Variants in ANGPT1 observed in about 807,000 individuals in gnomAD.
ANGPT1 encodes the protein angiopoietin-1.
In ANGPT1, 17 loss-of-function variants were observed where a neutral mutation model predicts 62.2. The ratio of observed to expected loss-of-function variants is 0.27; its 90% confidence interval spans 0.19 to 0.41. ANGPT1 has a LOEUF of 0.41. ANGPT1 is among the 10% of genes least tolerant of loss of function. The pLI is 1.00. For missense variants in ANGPT1, 478 were observed against 594.9 expected (o/e 0.80, Z 2.04); for synonymous variants, 199 against 198.9 (o/e 1.00, Z 0.00).
chr8:107,325,794 G>T (rs572719429), intron 3 of ANGPT1, among the ~76,000 whole-genome samples: 40 of 151,834 alleles, frequency 2.6e-4, no homozygotes, highest in African/African-American at 7.0e-4. Flanking sequence ...GTTTATTTTT[G>T]ATGTATTCCT....
chr8:107,278,903 T>G (rs912946344), intron 7 of ANGPT1, among the ~76,000 whole-genome samples: 2 of 152,186 alleles, frequency 1.3e-5, no homozygotes, highest in Non-Finnish European at 2.9e-5. Flanking sequence ...TTGTCTGCCA[T>G]GCCAAATTTC....
At chr8:107,282,436 GTA>G (rs538316725) in intron 7 of ANGPT1, among the ~76,000 whole-genome samples, 1,702 of 25,550 alleles carry the variant, frequency 0.067, 40 homozygotes, top group African/African-American at 0.25. Context: ...ATATATGTGT[GTA>G]TGTGTGTGTG....
intron 1 of ANGPT1, among the ~76,000 whole-genome samples, chr8:107,454,344 A>G (rs1404036938): frequency 6.6e-6 from 1 of 152,046 alleles, no homozygotes; most frequent in Non-Finnish European, 1.5e-5. Context: ...CAATTTCAAG[A>G]CATGCTGCTA....
chr8:107,390,828 A>G (rs892534689), intron 1 of ANGPT1, among the ~76,000 whole-genome samples: 5 of 152,170 alleles, frequency 3.3e-5, no homozygotes, highest in African/African-American at 4.8e-5. Flanking sequence ...CTTGCTCAAG[A>G]TCACAGATCT....
intron 5 of ANGPT1, among the ~76,000 whole-genome samples, chr8:107,300,089 C>CTA (rs1814548814): frequency 1.5e-5 from 2 of 135,940 alleles, no homozygotes; most frequent in Non-Finnish European, 3.2e-5. Flanking sequence ...CTATAGAGAT[C>CTA]TATATATATC....
At chr8:107,311,167 G>A (rs1455788325) in intron 4 of ANGPT1, among the ~76,000 whole-genome samples, 3 of 150,716 alleles carry the variant, frequency 2.0e-5, no homozygotes, top group African/African-American at 7.5e-5. Flanking sequence ...AAGTACGTGT[G>A]TATGTGTGTG....
intron 3 of ANGPT1, among the ~76,000 whole-genome samples, chr8:107,330,393 T>A (rs923167732): frequency 6.6e-6 from 1 of 152,194 alleles, no homozygotes; most frequent in Non-Finnish European, 1.5e-5. Context: ...GCCTCAGAGC[T>A]CATGCTCTTA....
intron 1 of ANGPT1, among the ~76,000 whole-genome samples, chr8:107,370,195 A>G (rs10955452): frequency 0.43 from 40,135 of 92,492 alleles, 8,069 homozygotes; most frequent in Admixed American, 0.5. Context: ...AAGAAAGAAA[A>G]AAAGAAAGAA....
chr8:107,357,213 C>A (rs1273556970), intron 1 of ANGPT1, among the ~76,000 whole-genome samples: 2 of 152,190 alleles, frequency 1.3e-5, no homozygotes, highest in Non-Finnish European at 2.9e-5. Context: ...TCATGGACAG[C>A]TCCAGTATTC....
chr8:107,389,494 T>C (rs1816793731), intron 1 of ANGPT1, among the ~76,000 whole-genome samples: 1 of 152,126 alleles, frequency 6.6e-6, no homozygotes, highest in Non-Finnish European at 1.5e-5. Context: ...GACAGGACCT[T>C]GACAGGAATA....
intron 4 of ANGPT1, among the ~76,000 whole-genome samples, chr8:107,303,864 GT>G (rs137898766): frequency 0.036 from 5,535 of 151,852 alleles, 318 homozygotes; most frequent in African/African-American, 0.13. Flanking sequence ...TGGAAGTACT[GT>G]TTTTCTGTGA....
At chr8:107,360,478 A>G (rs1392125848) in intron 1 of ANGPT1, among the ~76,000 whole-genome samples, 2 of 152,132 alleles carry the variant, frequency 1.3e-5, no homozygotes, top group Non-Finnish European at 2.9e-5. Flanking sequence ...ATTCAGCCCC[A>G]TGTTCTTGGT....
Position 107,436,080 on chromosome 8 carries a change from T to G in ANGPT1, c.297+61182A>C, listed in dbSNP as rs374443437. Among the ~76,000 whole-genome samples, 4 of 152,042 alleles carry G rather than the reference T, an allele frequency of 2.6e-5. No individual in the cohort carries two copies. In the East Asian group the frequency reaches 7.7e-4, roughly 29 times the overall value. ...ACCATGCTTGTCTAATTTTAAAACT[T>G]TTTTTTGTAGAGATGGGGTCTCTCT... On this transcript the variant is annotated intron_variant, in intron 1 of 8. Transcript: ENST00000517746.
At chr8:107,430,160 G>T (rs71524708) in intron 1 of ANGPT1, among the ~76,000 whole-genome samples, 18,161 of 152,172 alleles carry the variant, frequency 0.12, 1,470 homozygotes, top group East Asian at 0.44. Flanking sequence ...GTCCTTGAAA[G>T]CATTTTAACT....
intron 1 of ANGPT1, among the ~76,000 whole-genome samples, chr8:107,356,118 G>A (rs1198719261): frequency 1.3e-5 from 2 of 152,132 alleles, no homozygotes; most frequent in South Asian, 2.1e-4. Flanking sequence ...CCTTTTGAAT[G>A]GCAAAGGAAC....
intron 3 of ANGPT1, among the ~76,000 whole-genome samples, chr8:107,328,719 A>G (rs1362140492): frequency 6.6e-6 from 1 of 152,044 alleles, no homozygotes; most frequent in Non-Finnish European, 1.5e-5. Flanking sequence ...CAAATGGTTA[A>G]TACACACAAA....
At position 107,447,204 on chromosome 8, in the gene ANGPT1, A is replaced by G. The variant is rs543444285; in HGVS notation, c.297+50058T>C. 1.8e-4 allele frequency among the ~76,000 whole-genome samples: 28 copies of G among 152,270 alleles called. 2 individuals carry two copies. The highest frequency in any genetic ancestry group is 1.5e-3 in the Admixed American group (23 of 15,290). On this transcript the variant is annotated intron_variant, in intron 1 of 8. Coordinates refer to ENST00000517746, the MANE Select transcript of ANGPT1 (RefSeq NM_001146.5). ...TGCTCATGCCCTTTTCCCCTAGATT[A>G]TATTTTCAGTACAGAAATCAGATGT...
intron 1 of ANGPT1, among the ~76,000 whole-genome samples, chr8:107,434,559 G>T (rs1420863323): frequency 1.3e-5 from 2 of 151,990 alleles, no homozygotes; most frequent in Non-Finnish European, 2.9e-5. Flanking sequence ...AAGAGACTTT[G>T]CCCTAAGAAA....
Position 107,303,283 on chromosome 8 carries a change from C to T in ANGPT1, c.893G>A (p.Gly298Glu), listed in dbSNP as rs200759584. Reference sequence around the variant, plus strand: ...ATTATTAATATAAATAGTGTAGATTCCACTTTTATTAAAACCAGCTTGATA... The same window carrying T: ...ATTATTAATATAAATAGTGTAGATTTCACTTTTATTAAAACCAGCTTGATA... ...DVYQAGFNKS[G>E]IYTIYINNMP... is the part of the protein sequence containing the mutation. The change falls in exon 5 of 9, where the codon GGA becomes GAA. Residue 298 changes from glycine (G) to glutamate (E), a missense_variant. Gly to Glu is a moderately conservative substitution (Grantham distance 98, BLOSUM62 -2). This residue lies in a region of ANGPT1 where 343 missense variants were observed against 355.4 expected (regional missense o/e 0.97). Coordinates refer to ENST00000517746, the MANE Select transcript of ANGPT1 (RefSeq NM_001146.5). 8.1e-6 allele frequency: 13 copies of T among 1,601,060 alleles called. No individual in the cohort carries two copies. Among genetic ancestry groups the T allele is most frequent in the African/African-American group, 1.4e-5 (1 of 72,758 alleles).
Sources: gnomAD v4.1 joint callset for allele counts (sites outside exome capture counted in the v4.1 genomes callset) on GRCh38, gnomAD v4.1.1 for gene constraint, gnomAD v4.1.1 regional missense constraint, MANE v1.5 for transcripts, NCBI Gene and HGNC (gene_info 2026-07-23, HGNC 2026-07-21) for gene names.